Variants in CBFA2T2 observed in about 807,000 individuals in gnomAD.
CBFA2T2 encodes protein CBFA2T2.
CBFA2T2 carries 11 observed loss-of-function variants against 62.2 expected under a neutral mutation model. The observed-to-expected ratio is 0.18, with a 90% CI of 0.11 to 0.29. The LOEUF is 0.29. Ranked by LOEUF, CBFA2T2 falls within the 10% of genes least tolerant of loss-of-function variation. The pLI is 1.00. For missense variants in CBFA2T2, 592 were observed against 774.1 expected, an observed-to-expected ratio of 0.76 and a Z score of 2.79; for synonymous variants, 295 against 287.5, an observed-to-expected ratio of 1.03 and a Z score of -0.27.
chr20:33,537,220 T>A (rs538162310), intron 1 of CBFA2T2, among the ~76,000 whole-genome samples: 1 of 152,208 alleles, frequency 6.6e-6, no homozygotes, highest in African/African-American at 2.4e-5. Flanking sequence ...TGAACCAGAC[T>A]CCGTCTGCAA....
At chr20:33,622,029 C>T (rs2122330338) in intron 4 of CBFA2T2, among the ~76,000 whole-genome samples, 1 of 152,200 alleles carries the variant, frequency 6.6e-6, no homozygotes, top group South Asian at 2.1e-4. Context: ...GTTTTTTATT[C>T]ATCATGGGAC....
At chr20:33,530,385 T>C (rs769982668) in intron 1 of CBFA2T2, among the ~76,000 whole-genome samples, 5 of 152,156 alleles carry the variant, frequency 3.3e-5, no homozygotes, top group African/African-American at 4.8e-5. Context: ...TCCAGCAAAA[T>C]AGCCTGATTG....
chr20:33,602,121 T>C (rs1233763444), intron 1 of CBFA2T2, among the ~76,000 whole-genome samples: 2 of 152,284 alleles, frequency 1.3e-5, no homozygotes, highest in East Asian at 3.9e-4. Context: ...ATAATTCTAA[T>C]ATATTTTAAA....
At chr20:33,621,800 G>A (rs1050846541) in intron 4 of CBFA2T2, among the ~76,000 whole-genome samples, 2 of 152,126 alleles carry the variant, frequency 1.3e-5, no homozygotes, top group Non-Finnish European at 2.9e-5. Flanking sequence ...AAAATGCATC[G>A]GTCTAAGGTG....
At chr20:33,638,020 G>T (rs2122381610) in intron 9 of CBFA2T2, among the ~76,000 whole-genome samples, 1 of 132,592 alleles carries the variant, frequency 7.5e-6, no homozygotes, top group South Asian at 2.4e-4. Flanking sequence ...TGTTGCTCAG[G>T]CTGGAGTGCA....
intron 9 of CBFA2T2, chr20:33,639,560 C>T (rs111539969): frequency 1.1e-4 from 17 of 149,872 alleles, no homozygotes; most frequent in African/African-American, 2.7e-4. Context: ...GGCAACAGAG[C>T]GGGACTCCGT....
At chr20:33,596,925 T>G (rs1187135499) in intron 1 of CBFA2T2, among the ~76,000 whole-genome samples, 3 of 151,404 alleles carry the variant, frequency 2.0e-5, no homozygotes, top group Non-Finnish European at 2.9e-5. Flanking sequence ...CTCTGTTTTT[T>G]TTTTTTTTTT....
At chr20:33,511,438 A>G (rs1002245768) in intron 1 of CBFA2T2, among the ~76,000 whole-genome samples, 5 of 152,066 alleles carry the variant, frequency 3.3e-5, no homozygotes, top group Admixed American at 6.6e-5. Flanking sequence ...CAAAGATCAG[A>G]TGGTTGTAGA....
chr20:33,531,576 A>C (rs1028677442), intron 1 of CBFA2T2, among the ~76,000 whole-genome samples: 2 of 152,182 alleles, frequency 1.3e-5, no homozygotes, highest in Non-Finnish European at 2.9e-5. Flanking sequence ...ACTGGACCTG[A>C]TCTCTTCCTG....
At chr20:33,551,569 C>T (rs2012743019) in intron 1 of CBFA2T2, among the ~76,000 whole-genome samples, 1 of 151,878 alleles carries the variant, frequency 6.6e-6, no homozygotes, top group Non-Finnish European at 1.5e-5. Context: ...CTCTCTCTGT[C>T]ACCCAGTCTG....
chr20:33,521,596 G>C (rs1205349655), intron 1 of CBFA2T2, among the ~76,000 whole-genome samples: 1 of 152,146 alleles, frequency 6.6e-6, no homozygotes, highest in African/African-American at 2.4e-5. Context: ...ATGGAGTCCA[G>C]GTGTTTTACT....
chr20:33,493,411 G>T (rs1270824288), intron 1 of CBFA2T2, among the ~76,000 whole-genome samples: 2 of 152,182 alleles, frequency 1.3e-5, no homozygotes, highest in African/African-American at 2.4e-5. Context: ...CTGGGAAAGA[G>T]AATATAGGAG....
intron 4 of CBFA2T2, 116 bp downstream of exon 4, chr20:33,619,722 G>T: frequency 1.4e-6 from 1 of 691,892 alleles, no homozygotes; most frequent in South Asian, 2.0e-5. Context: ...TTTATTTTGG[G>T]CTGGTAGAGA....
chr20:33,539,283 C>A (rs898726676), intron 1 of CBFA2T2, among the ~76,000 whole-genome samples: 2 of 152,206 alleles, frequency 1.3e-5, no homozygotes, highest in Non-Finnish European at 2.9e-5. Context: ...TAGCCATGTG[C>A]CTGCAACACA....
chr20:33,553,912 A>G (rs2012814343), intron 1 of CBFA2T2, among the ~76,000 whole-genome samples: 1 of 152,034 alleles, frequency 6.6e-6, no homozygotes, highest in African/African-American at 2.4e-5. Context: ...TTAATTATAT[A>G]TTTTTAGTTT....
intron 1 of CBFA2T2, among the ~76,000 whole-genome samples, chr20:33,598,537 T>A (rs556132853): frequency 6.6e-6 from 1 of 152,342 alleles, no homozygotes. Flanking sequence ...ACAATTGCTG[T>A]TATCCTGTTC....
At chr20:33,541,234 C>A (rs1234969935) in intron 1 of CBFA2T2, among the ~76,000 whole-genome samples, 3 of 152,136 alleles carry the variant, frequency 2.0e-5, no homozygotes, top group Non-Finnish European at 4.4e-5. Context: ...AGGTGGTTGT[C>A]ATGTAGTCCA....
At chr20:33,579,842 TTCTC>T (rs946607410) in intron 1 of CBFA2T2, among the ~76,000 whole-genome samples, 1 of 151,582 alleles carries the variant, frequency 6.6e-6, no homozygotes, top group South Asian at 2.1e-4. Flanking sequence ...GAGACGGAGT[TTCTC>T]TCTTGTTGCC....
chr20:33,613,757 A>G (rs1325560349), intron 3 of CBFA2T2, among the ~76,000 whole-genome samples: 1 of 152,154 alleles, frequency 6.6e-6, no homozygotes, highest in Non-Finnish European at 1.5e-5. Flanking sequence ...TTATTCCTCA[A>G]ATTTTAGACT....
Sources: allele counts gnomAD v4.1 joint callset (sites outside exome capture counted in the v4.1 genomes callset), GRCh38; gene constraint gnomAD v4.1.1; transcripts MANE v1.5; gene names NCBI Gene and HGNC (gene_info 2026-07-23, HGNC 2026-07-21).